The following PDE10A variants were observed in gnomAD, a reference collection of about 807,000 sequenced individuals.
PDE10A encodes phosphodiesterase 10A.
PDE10A carries 39 observed loss-of-function variants against 97.7 expected under a neutral mutation model. That is an observed-to-expected ratio of 0.40 (90% CI 0.31 to 0.52). The LOEUF is 0.52. PDE10A is among the 20% of genes least tolerant of loss of function. PDE10A has a pLI of 0.56. For synonymous variants in PDE10A, 371 were observed against 376.8 expected (o/e 0.98, Z 0.18); for missense variants, 731 against 1,047.8 (o/e 0.70, Z 4.17).
chr6:165,548,954 G>C (rs1783873803), intron 1 of PDE10A, among the ~76,000 whole-genome samples: 1 of 152,120 alleles, frequency 6.6e-6, no homozygotes, highest in African/African-American at 2.4e-5. Flanking sequence ...AATTTGATCT[G>C]TTTCTTCCAT....
At chr6:165,807,674 T>G (rs1779175369) in intron 1 of PDE10A, among the ~76,000 whole-genome samples, 1 of 152,070 alleles carries the variant, frequency 6.6e-6, no homozygotes, top group South Asian at 2.1e-4. Context: ...AGAACATGCT[T>G]TAACTCCCAC....
At chr6:165,587,860 C>T (rs965265679) in intron 1 of PDE10A, among the ~76,000 whole-genome samples, 2 of 152,172 alleles carry the variant, frequency 1.3e-5, no homozygotes, top group African/African-American at 4.8e-5. Context: ...ATAAAGGTCC[C>T]TGCACACAGA....
intron 1 of PDE10A, among the ~76,000 whole-genome samples, chr6:165,912,317 A>G (rs1247093648): frequency 6.6e-6 from 1 of 152,156 alleles, no homozygotes; most frequent in Non-Finnish European, 1.5e-5. Flanking sequence ...TTGTGAAGGC[A>G]TCTACTCACA....
intron 1 of PDE10A, among the ~76,000 whole-genome samples, chr6:165,963,165 TC>T (rs138220153): frequency 6.6e-6 from 1 of 152,034 alleles, no homozygotes; most frequent in African/African-American, 2.4e-5. Context: ...TTGTGTTAGA[TC>T]CCCCCACACC....
In PDE10A at chr6:165,638,205, A is replaced by G. The variant is rs192826804; in HGVS notation, c.865+23742T>C. ...CTCCCCCCACCAAAAAAGAAAAGAA[A>G]AAGTATTTTAACCCTTTCTGTTTGG... On this transcript the variant is annotated intron_variant, in intron 1 of 21. Transcript: ENST00000539869. 5.5e-3 allele frequency among the ~76,000 whole-genome samples: 838 copies of G among 152,332 alleles called. 14 individuals are homozygous for G. The highest frequency in any genetic ancestry group is 4.3e-3 in the Non-Finnish European group (291 of 68,034).
rs183114793 is a variant in PDE10A, at chr6:165,573,853, G to A, written c.866-30285C>T. ...CAAAATTTGGGAAAAGAGCCAAGGT[G>A]CTACTTCTCGGCCCTCTGACATCAG... On this transcript the variant is annotated intron_variant, in intron 1 of 21. Coordinates refer to ENST00000539869, the MANE Select transcript of PDE10A (RefSeq NM_001385079.1). Among the ~76,000 whole-genome samples, 36 of 152,304 alleles carry A rather than the reference G, an allele frequency of 2.4e-4. No individual in the cohort carries two copies. The East Asian group carries it at 2.7e-3, about 11-fold the overall frequency.
chr6:165,619,919 A>G (rs1415392958), intron 1 of PDE10A, among the ~76,000 whole-genome samples: 1 of 152,036 alleles, frequency 6.6e-6, no homozygotes, highest in Non-Finnish European at 1.5e-5. Context: ...TAAACATCAG[A>G]TGAGATGAGA....
At chr6:165,936,415 C>T (rs1310061279) in intron 1 of PDE10A, among the ~76,000 whole-genome samples, 1 of 152,080 alleles carries the variant, frequency 6.6e-6, no homozygotes, top group Non-Finnish European at 1.5e-5. Flanking sequence ...GAGAGAAAGA[C>T]AACAGGAGAA....
At chr6:165,764,193 C>G (rs1467435367) in intron 1 of PDE10A, among the ~76,000 whole-genome samples, 1 of 152,202 alleles carries the variant, frequency 6.6e-6, no homozygotes, top group Non-Finnish European at 1.5e-5. Flanking sequence ...AGTCCACGCT[C>G]TGACACTTGG....
intron 1 of PDE10A, among the ~76,000 whole-genome samples, chr6:165,976,291 T>C (rs1178802468): frequency 1.3e-5 from 2 of 152,210 alleles, no homozygotes; most frequent in Non-Finnish European, 1.5e-5. Flanking sequence ...GCTGAATCAC[T>C]AAAATCTGTT....
At chr6:165,338,104 G>A (rs1217144645) in intron 20 of PDE10A, among the ~76,000 whole-genome samples, 1 of 152,142 alleles carries the variant, frequency 6.6e-6, no homozygotes, top group East Asian at 1.9e-4. Flanking sequence ...CAGTAAACAC[G>A]ATAGGTATTC....
chr6:165,908,160 T>G (rs1459311215), intron 1 of PDE10A, among the ~76,000 whole-genome samples: 3 of 152,080 alleles, frequency 2.0e-5, no homozygotes, highest in Non-Finnish European at 4.4e-5. Context: ...TTCACAAAAA[T>G]TATTACGAGG....
intron 2 of PDE10A, among the ~76,000 whole-genome samples, chr6:165,497,217 A>G (rs977592499): frequency 1.3e-5 from 2 of 152,184 alleles, no homozygotes; most frequent in African/African-American, 4.8e-5. Flanking sequence ...TTTTCTGACA[A>G]TGTTGTAGTA....
chr6:165,455,641 C>G (rs1777910737), intron 3 of PDE10A, among the ~76,000 whole-genome samples: 1 of 152,216 alleles, frequency 6.6e-6, no homozygotes, highest in Non-Finnish European at 1.5e-5. Flanking sequence ...CACTGAGAGC[C>G]TCGGCTGTAG....
intron 13 of PDE10A, 99 bp downstream of exon 13, chr6:165,413,402 A>G: frequency 1.5e-6 from 1 of 680,870 alleles, no homozygotes; most frequent in South Asian, 2.2e-5. Context: ...TTGTAAAGGA[A>G]ATATAAATGA....
chr6:165,812,179 C>A (rs778039911), intron 1 of PDE10A, among the ~76,000 whole-genome samples: 21 of 152,286 alleles, frequency 1.4e-4, no homozygotes, highest in Admixed American at 2.0e-4. Context: ...TAAACCACCT[C>A]ATGTTCTTTC....
rs1375691976 is a variant in PDE10A at position 165,765,530 on chromosome 6, G to T, written c.-614-221962C>A. 3.3e-5 allele frequency among the ~76,000 whole-genome samples: 5 copies of T among 152,386 alleles called. No homozygotes were observed. The East Asian group carries it at 9.6e-4, about 29-fold the overall frequency. On this transcript the variant is annotated intron_variant, in intron 1 of 19. Transcript: ENST00000366882. ...ACCCTCCGCAGCCGCTGGCCCGGGT[G>T]CTAAGTCCCTCATTGCCTGGGGCCG... is the stretch of plus-strand genomic sequence containing the variant.
chr6:165,756,894 C>A (rs896793687), intron 1 of PDE10A, among the ~76,000 whole-genome samples: 6 of 151,908 alleles, frequency 3.9e-5, no homozygotes, highest in Non-Finnish European at 8.8e-5. Context: ...GTTTCAGGAT[C>A]ACTATTATTT....
intron 1 of PDE10A, among the ~76,000 whole-genome samples, chr6:165,952,775 C>T (rs1784007414): frequency 6.6e-6 from 1 of 152,006 alleles, no homozygotes; most frequent in Middle Eastern, 3.2e-3. Context: ...TGGGCCTAGT[C>T]GTCCTTCACA....
Sources: gnomAD v4.1 joint callset for allele counts (sites outside exome capture counted in the v4.1 genomes callset) on GRCh38, gnomAD v4.1.1 for gene constraint, MANE v1.5 for transcripts, NCBI Gene and HGNC (gene_info 2026-07-23, HGNC 2026-07-21) for gene names.